Variants in CLNK observed in about 807,000 individuals in gnomAD.
CLNK encodes the protein cytokine dependent hematopoietic cell linker.
A neutral mutation model predicts 68.6 loss-of-function variants in CLNK; 74 were observed. That is an observed-to-expected ratio of 1.08 (90% CI 0.89 to 1.31). The LOEUF is 1.31. Ranked by LOEUF, CLNK falls within the 50% of genes most tolerant of loss-of-function variation. The probability of loss-of-function intolerance (pLI) is 0.00; values close to 1 mark genes in which losing one functional copy is unlikely to be tolerated. For missense variants in CLNK, 553 were observed against 515.3 expected (o/e 1.07, Z -0.71); for synonymous variants, 198 against 172.2 (o/e 1.15, Z -1.17).
chr4:10,661,353 A>C (rs1294803191), intron 2 of CLNK, among the ~76,000 whole-genome samples: 2 of 152,244 alleles, frequency 1.3e-5, no homozygotes, highest in South Asian at 4.1e-4. Context: ...AAGAGAAAAT[A>C]TGCCTCTAAT....
rs1355299217 is a variant in CLNK at position 10,655,330 on chromosome 4, A to AGAGAGAGAGAGAGAG, written c.11+12528_11+12529insCTCTCTCTCTCTCTC. 1.0e-4 allele frequency among the ~76,000 whole-genome samples: 8 copies of AGAGAGAGAGAGAGAG among 77,830 alleles called. 1 individual carries two copies. Among genetic ancestry groups the AGAGAGAGAGAGAGAG allele is most frequent in the African/African-American group, 3.3e-4 (8 of 23,994 alleles). The allele number at this position is 77,830 out of a possible 152,430, so 51.1% of individuals were successfully genotyped here. A position where few individuals can be genotyped will look rare whatever the true frequency, so the allele number is the denominator to read the frequency against. ...AAGTAATTCCGGCCTAAAACCCCCA[A>AGAGAGAGAGAGAGAG]AGACAGAGAGAGAGAGAGAGAGAGA... On this transcript the variant is annotated intron_variant, in intron 2 of 18. Coordinates refer to ENST00000226951, the MANE Select transcript of CLNK (RefSeq NM_052964.4).
chr4:10,647,751 C>G (rs1312124172), intron 2 of CLNK, among the ~76,000 whole-genome samples: 1 of 152,030 alleles, frequency 6.6e-6, no homozygotes, highest in East Asian at 1.9e-4. Context: ...AGAGGGAAAA[C>G]AAACTGTAAA....
chr4:10,564,460 A>G (rs149848294), intron 7 of CLNK, among the ~76,000 whole-genome samples: 9 of 152,290 alleles, frequency 5.9e-5, no homozygotes, highest in African/African-American at 2.2e-4. Flanking sequence ...ACACATCTGA[A>G]TTATCCTTCT....
intron 2 of CLNK, among the ~76,000 whole-genome samples, chr4:10,655,384 GA>G (rs2108885176): frequency 6.6e-6 from 1 of 150,602 alleles, no homozygotes; most frequent in African/African-American, 2.5e-5. Context: ...GAAAGCGAGA[GA>G]GTGTGTGTGT....
chr4:10,616,762 A>T (rs1722241273), intron 2 of CLNK, among the ~76,000 whole-genome samples: 1 of 150,002 alleles, frequency 6.7e-6, no homozygotes. Flanking sequence ...TTTATAATAA[A>T]GTTGTGTGTG....
intron 11 of CLNK, among the ~76,000 whole-genome samples, chr4:10,537,133 G>A (rs1334283323): frequency 2.6e-5 from 4 of 152,172 alleles, no homozygotes; most frequent in African/African-American, 7.2e-5. Context: ...TTTAAAATAA[G>A]CTTTCCAATT....
intron 3 of CLNK, among the ~76,000 whole-genome samples, chr4:10,591,479 T>A (rs570092463): frequency 6.6e-6 from 1 of 152,334 alleles, no homozygotes; most frequent in African/African-American, 2.4e-5. Context: ...CTGGAGCATG[T>A]GCACACCAAT....
chr4:10,572,571 A>T (rs61495782), intron 4 of CLNK, among the ~76,000 whole-genome samples: 33,903 of 152,138 alleles, frequency 0.22, 4,034 homozygotes, highest in African/African-American at 0.29. Context: ...ACAATTTTTT[A>T]AAAATTTCCT....
At chr4:10,645,179 C>T (rs986351898) in intron 2 of CLNK, among the ~76,000 whole-genome samples, 19 of 152,224 alleles carry the variant, frequency 1.2e-4, no homozygotes, top group African/African-American at 4.3e-4. Flanking sequence ...AGGTAGCTGT[C>T]CCCTGCAATG....
At chr4:10,680,683 G>A (rs1042896363) in intron 1 of CLNK, among the ~76,000 whole-genome samples, 1 of 151,946 alleles carries the variant, frequency 6.6e-6, no homozygotes, top group Non-Finnish European at 1.5e-5. Flanking sequence ...GCATTTTTAT[G>A]TACTGAATCT....
intron 2 of CLNK, among the ~76,000 whole-genome samples, chr4:10,662,037 T>C (rs1186868040): frequency 6.6e-6 from 1 of 152,192 alleles, no homozygotes. Context: ...ATATTCCCTA[T>C]GCAAGAAAAG....
the CLNK span, among the ~76,000 whole-genome samples, chr4:10,721,509 A>G: frequency 0.77 from 117,316 of 151,984 alleles, 45,476 homozygotes; most frequent in Admixed American, 0.83. Flanking sequence ...AGTGTAGAGA[A>G]CATATGGTAT....
At chr4:10,675,966 C>T (rs952418945) in intron 1 of CLNK, among the ~76,000 whole-genome samples, 2 of 152,192 alleles carry the variant, frequency 1.3e-5, no homozygotes, top group African/African-American at 4.8e-5. Flanking sequence ...ACAATCACAT[C>T]ACACATATCC....
chr4:10,662,260 C>T (rs988986051), intron 2 of CLNK, among the ~76,000 whole-genome samples: 3 of 152,270 alleles, frequency 2.0e-5, no homozygotes, highest in Admixed American at 1.3e-4. Flanking sequence ...GCAACTTAAA[C>T]GTCCAACACC....
chr4:10,504,730 G>C (rs903344070), intron 17 of CLNK, among the ~76,000 whole-genome samples: 3 of 152,170 alleles, frequency 2.0e-5, no homozygotes, highest in Non-Finnish European at 4.4e-5. Flanking sequence ...TCATGGCCAA[G>C]TTTTGGGTTT....
intron 2 of CLNK, among the ~76,000 whole-genome samples, chr4:10,611,082 G>C (rs1424036089): frequency 2.0e-5 from 3 of 152,206 alleles, no homozygotes; most frequent in Admixed American, 2.0e-4. Flanking sequence ...CACTTTGGGA[G>C]GTTGAGGCAA....
At chr4:10,617,144 C>G (rs1722267295) in intron 2 of CLNK, among the ~76,000 whole-genome samples, 1 of 152,028 alleles carries the variant, frequency 6.6e-6, no homozygotes, top group Admixed American at 6.6e-5. Flanking sequence ...ACAAAAGAAA[C>G]AAAAATCCCA....
At chr4:10,662,746 A>G (rs1057508814) in intron 2 of CLNK, among the ~76,000 whole-genome samples, 6 of 152,224 alleles carry the variant, frequency 3.9e-5, no homozygotes, top group African/African-American at 1.4e-4. Context: ...ACATAGATAT[A>G]GAAAAATAAA....
chr4:10,508,687 GTGAGTCCAGCATC>G (rs1433429851), intron 16 of CLNK, among the ~76,000 whole-genome samples: 1 of 152,138 alleles, frequency 6.6e-6, no homozygotes, highest in Non-Finnish European at 1.5e-5. Flanking sequence ...AACCCCCCTT[GTGAGTCCAGCATC>G]TATAAGGTCC....
Sources: allele counts gnomAD v4.1 joint callset (sites outside exome capture counted in the v4.1 genomes callset), GRCh38; gene constraint gnomAD v4.1.1; transcripts MANE v1.5; gene names NCBI Gene and HGNC (gene_info 2026-07-23, HGNC 2026-07-21).